The following ACBD6 variants were observed in gnomAD, a reference collection of about 807,000 sequenced individuals.
ACBD6 encodes the protein acyl-CoA binding domain containing 6, also known as acyl-CoA-binding domain-containing protein 6.
A neutral mutation model predicts 37.2 loss-of-function variants in ACBD6; 28 were observed. That is an observed-to-expected ratio of 0.75 (90% CI 0.56 to 1.03). ACBD6 has a LOEUF of 1.03. Ranked by LOEUF, ACBD6 falls within the 50% of genes least tolerant of loss-of-function variation. The probability of loss-of-function intolerance (pLI) is 0.00; values close to 1 mark genes in which losing one functional copy is unlikely to be tolerated. For synonymous variants in ACBD6, 113 were observed against 126.8 expected (o/e 0.89, Z 0.73); for missense variants, 340 against 337.4 (o/e 1.01, Z -0.06).
intron 6 of ACBD6, among the ~76,000 whole-genome samples, chr1:180,394,579 T>G (rs191288604): frequency 7.8e-4 from 119 of 152,232 alleles, no homozygotes; most frequent in South Asian, 1.9e-3. Context: ...CTATAATACT[T>G]AAAACAGTGT....
At chr1:180,297,376 G>T (rs1401176363) in intron 7 of ACBD6, among the ~76,000 whole-genome samples, 1 of 152,194 alleles carries the variant, frequency 6.6e-6, no homozygotes, top group African/African-American at 2.4e-5. Context: ...GTGAATCAAA[G>T]TGGAGGGTAG....
At chr1:180,371,704 T>A (rs558858496) in intron 6 of ACBD6, among the ~76,000 whole-genome samples, 1 of 152,238 alleles carries the variant, frequency 6.6e-6, no homozygotes, top group African/African-American at 2.4e-5. Flanking sequence ...TCATAAAAAT[T>A]GAGAAATGAT....
intron 5 of ACBD6, among the ~76,000 whole-genome samples, chr1:180,408,684 TA>T (rs1647728331): frequency 6.6e-6 from 1 of 151,416 alleles, no homozygotes; most frequent in South Asian, 2.1e-4. Context: ...TAAAATAAAA[TA>T]AAAAAGTTGT....
At chr1:180,323,483 T>C (rs951733309) in intron 6 of ACBD6, among the ~76,000 whole-genome samples, 3 of 152,094 alleles carry the variant, frequency 2.0e-5, no homozygotes, top group African/African-American at 7.2e-5. Context: ...ATCTGTCCAA[T>C]GCTGACAGTG....
At chr1:180,483,715 A>G (rs559013575) in intron 3 of ACBD6, among the ~76,000 whole-genome samples, 3 of 152,316 alleles carry the variant, frequency 2.0e-5, no homozygotes, top group African/African-American at 7.2e-5. Flanking sequence ...TAATCTTTTA[A>G]TCAGTGATAT....
At chr1:180,492,484 G>A in intron 2 of ACBD6, 119 bp from the exon 3 acceptor site, 1 of 787,518 alleles carries the variant, frequency 1.3e-6, no homozygotes, top group South Asian at 1.5e-5. Flanking sequence ...GAGATAATAA[G>A]CTATGGATAG....
chr1:180,371,167 A>G (rs961845630), intron 6 of ACBD6, among the ~76,000 whole-genome samples: 7 of 152,048 alleles, frequency 4.6e-5, no homozygotes, highest in Non-Finnish European at 1.0e-4. Context: ...AGAAAAAAAC[A>G]TTTCACAGAT....
At chr1:180,452,844 C>A (rs979912087) in intron 3 of ACBD6, among the ~76,000 whole-genome samples, 1 of 152,172 alleles carries the variant, frequency 6.6e-6, no homozygotes, top group Admixed American at 6.5e-5. Flanking sequence ...GACGCATGCA[C>A]CCTCCCAAGA....
intron 6 of ACBD6, among the ~76,000 whole-genome samples, chr1:180,362,756 C>T (rs1240751220): frequency 6.6e-6 from 1 of 152,102 alleles, no homozygotes; most frequent in Non-Finnish European, 1.5e-5. Context: ...AAAAATACTA[C>T]TAATTTTAAA....
chr1:180,479,817 G>T (rs1158503343), intron 3 of ACBD6, among the ~76,000 whole-genome samples: 1 of 151,940 alleles, frequency 6.6e-6, no homozygotes, highest in Non-Finnish European at 1.5e-5. Flanking sequence ...GCGAAACCCT[G>T]TCCCTATTAA....
intron 4 of ACBD6, among the ~76,000 whole-genome samples, chr1:180,429,351 C>T (rs954244080): frequency 1.2e-4 from 19 of 152,172 alleles, no homozygotes; most frequent in African/African-American, 4.3e-4. Context: ...TAAGTATAAT[C>T]GCAAAGTGTT....
chr1:180,424,985 A>T (rs1648526009), intron 4 of ACBD6, among the ~76,000 whole-genome samples: 1 of 152,158 alleles, frequency 6.6e-6, no homozygotes, highest in Non-Finnish European at 1.5e-5. Flanking sequence ...CAGGGGACCC[A>T]TTTTCACATA....
intron 4 of ACBD6, among the ~76,000 whole-genome samples, chr1:180,424,075 T>C (rs896379345): frequency 1.3e-5 from 2 of 152,178 alleles, no homozygotes; most frequent in African/African-American, 4.8e-5. Context: ...TATTAAATAG[T>C]AACAACTATC....
chr1:180,435,563 G>A, intron 3 of ACBD6: 2 of 995,188 alleles, frequency 2.0e-6, no homozygotes, highest in Non-Finnish European at 3.1e-6. Flanking sequence ...GATGAATTTT[G>A]AGACTGCAAA....
At chr1:180,490,673 C>T (rs1372735915) in intron 3 of ACBD6, among the ~76,000 whole-genome samples, 1 of 151,298 alleles carries the variant, frequency 6.6e-6, no homozygotes, top group Non-Finnish European at 1.5e-5. Flanking sequence ...GTAGTCCCAG[C>T]TACTCAGGCG....
chr1:180,361,900 G>A (rs2101904202), intron 6 of ACBD6, among the ~76,000 whole-genome samples: 1 of 152,124 alleles, frequency 6.6e-6, no homozygotes, highest in African/African-American at 2.4e-5. Context: ...TATTGTTGCT[G>A]TTGATTCCCC....
chr1:180,302,631 C>T (rs1002745267), intron 7 of ACBD6, among the ~76,000 whole-genome samples: 3 of 151,922 alleles, frequency 2.0e-5, no homozygotes, highest in African/African-American at 7.3e-5. Context: ...TAGAAAGAGA[C>T]TTAGACTCCC....
At chr1:180,285,408 T>C (rs1035954454), downstream of ACBD6, among the ~76,000 whole-genome samples, 2 of 152,214 alleles carry the variant, frequency 1.3e-5, no homozygotes, top group Admixed American at 6.5e-5. Flanking sequence ...ATTGTAACTA[T>C]GATGAAAACA....
At chr1:180,474,746 T>C (rs764628943) in intron 3 of ACBD6, among the ~76,000 whole-genome samples, 3 of 152,262 alleles carry the variant, frequency 2.0e-5, no homozygotes, top group Non-Finnish European at 2.9e-5. Flanking sequence ...GTCTGTGTTA[T>C]ATAATTTCAC....
Sources: gnomAD v4.1 joint callset for allele counts (sites outside exome capture counted in the v4.1 genomes callset) on GRCh38, gnomAD v4.1.1 for gene constraint, MANE v1.5 for transcripts, NCBI Gene and HGNC (gene_info 2026-07-23, HGNC 2026-07-21) for gene names.